The following MAPK4 variants were observed in gnomAD, a reference collection of about 807,000 sequenced individuals.
MAPK4 encodes the protein mitogen-activated protein kinase 4, also known as Erk3-related.
Under a neutral mutation model 47.7 loss-of-function variants are expected in MAPK4, and 22 were observed. The ratio of observed to expected loss-of-function variants is 0.46; its 90% confidence interval spans 0.33 to 0.66. The LOEUF (loss-of-function observed/expected upper bound fraction) is 0.66. Among genes scored for constraint, MAPK4 ranks in the 30% least tolerant of loss-of-function variants. The pLI, the probability that MAPK4 is intolerant of heterozygous loss-of-function variation, is 0.02. For synonymous variants in MAPK4, 390 were observed against 365.7 expected, an observed-to-expected ratio of 1.07 and a Z score of -0.76; for missense variants, 736 against 831.7, an observed-to-expected ratio of 0.88 and a Z score of 1.42.
chr18:50,622,617 G>C (rs1329962320), intron 1 of MAPK4, among the ~76,000 whole-genome samples: 1 of 152,214 alleles, frequency 6.6e-6, no homozygotes, highest in Non-Finnish European at 1.5e-5. Flanking sequence ...TGCCCTCAGA[G>C]AGGCACTCAA....
intron 1 of MAPK4, among the ~76,000 whole-genome samples, chr18:50,620,807 A>G (rs897719845): frequency 6.6e-6 from 1 of 152,130 alleles, no homozygotes; most frequent in Non-Finnish European, 1.5e-5. Context: ...AACTTGCAGA[A>G]AGAAAAAAAA....
rs577959431 is a variant in MAPK4 at position 50,578,776 on chromosome 18, G to A, written c.-871+18533G>A. Among the ~76,000 whole-genome samples, 50 of 152,300 alleles carry A rather than the reference G, an allele frequency of 3.3e-4. 1 individual carries two copies. Among genetic ancestry groups the A allele is most frequent in the African/African-American group, 1.2e-3 (49 of 41,560 alleles). On this transcript the variant is annotated intron_variant, in intron 1 of 5. Transcript: ENST00000400384. ...AATGGACTGCTAAAAGGACACCACA[G>A]TACTGCTCCCATAATGCTCTGTAGA...
chr18:50,568,195 C>CA (rs760481992), intron 1 of MAPK4, among the ~76,000 whole-genome samples: 279 of 92,042 alleles, frequency 3.0e-3, no homozygotes, highest in Middle Eastern at 6.6e-3. Flanking sequence ...GACGCTGTCC[C>CA]AAAAAAAAAA....
At chr18:50,717,986 G>A (rs955176382) in intron 3 of MAPK4, among the ~76,000 whole-genome samples, 1 of 152,222 alleles carries the variant, frequency 6.6e-6, no homozygotes, top group Admixed American at 6.5e-5. Context: ...GAGGCAGGGG[G>A]AGAAAGTCAG....
rs755537170 is a variant in MAPK4 at position 50,725,944 on chromosome 18, C to T, written c.854-18C>T. 2.7e-5 allele frequency: 44 copies of T among 1,605,128 alleles called. No individual in the cohort carries two copies. Among genetic ancestry groups the T allele is most frequent in the South Asian group, 5.5e-5 (5 of 90,892 alleles). On this transcript the variant is annotated intron_variant, in intron 4 of 5. Coordinates refer to ENST00000400384, the MANE Select transcript of MAPK4 (RefSeq NM_002747.4). The stretch of plus-strand genomic sequence containing the variant: ...AAGGGCAACAAATGACCTTCATGTC[C>T]GGCTTTGCTCCCTGCAGCCATCGAC...
At chr18:50,623,539 C>T (rs984554444) in intron 1 of MAPK4, among the ~76,000 whole-genome samples, 1 of 152,164 alleles carries the variant, frequency 6.6e-6, no homozygotes, top group Non-Finnish European at 1.5e-5. Flanking sequence ...ATCTCGCATC[C>T]CTCTGAACCC....
intron 2 of MAPK4, among the ~76,000 whole-genome samples, chr18:50,688,024 C>T (rs1047518177): frequency 1.3e-5 from 2 of 152,144 alleles, no homozygotes; most frequent in Non-Finnish European, 2.9e-5. Flanking sequence ...GTCAGGGATT[C>T]TGCTGAAAGG....
intron 1 of MAPK4, among the ~76,000 whole-genome samples, chr18:50,561,841 AT>A (rs1350568036): frequency 2.0e-5 from 3 of 152,330 alleles, no homozygotes; most frequent in African/African-American, 7.2e-5. Flanking sequence ...GTTTCCTTGC[AT>A]TAGAAAAGTC....
chr18:50,696,847 C>T (rs1295365804), intron 2 of MAPK4, among the ~76,000 whole-genome samples: 1 of 152,162 alleles, frequency 6.6e-6, no homozygotes, highest in Non-Finnish European at 1.5e-5. Flanking sequence ...TACAGGGAGT[C>T]TTCCTGGTAT....
intron 1 of MAPK4, among the ~76,000 whole-genome samples, chr18:50,636,015 C>T (rs1350918802): frequency 1.3e-5 from 2 of 152,234 alleles, no homozygotes; most frequent in East Asian, 3.8e-4. Flanking sequence ...TTATTCTTTG[C>T]ACTCCAGCCT....
At chr18:50,572,322 A>G (rs1331336157) in intron 1 of MAPK4, among the ~76,000 whole-genome samples, 1 of 152,148 alleles carries the variant, frequency 6.6e-6, no homozygotes, top group Admixed American at 6.5e-5. Context: ...TGGCCTGAAT[A>G]ACTGTCCATT....
intron 1 of MAPK4, among the ~76,000 whole-genome samples, chr18:50,625,225 T>G (rs2042766498): frequency 6.6e-6 from 1 of 152,078 alleles, no homozygotes; most frequent in South Asian, 2.1e-4. Flanking sequence ...CCAAAGCTGG[T>G]CCTGGAAAAT....
Position 50,730,149 on chromosome 18 carries a change from G to A in MAPK4, c.*295G>A. On this transcript the variant is annotated 3_prime_UTR_variant, in exon 6 of 6. Transcript: ENST00000400384. The stretch of plus-strand genomic sequence containing the variant: ...AACGGCTTTAGACAGCAGTCTGCGG[G>A]CCCCACCTGGGTGGCAGGATGCCGA... The A allele has an allele frequency of 3.6e-6, 1 of 278,734 alleles. No homozygotes were observed. The highest frequency in any genetic ancestry group is 2.2e-5 in the African/African-American group (1 of 45,946). The allele number at this position is 278,734 out of a possible 1,614,324, so 17.3% of individuals were successfully genotyped here. A position where few individuals can be genotyped will look rare whatever the true frequency, so the allele number is the denominator to read the frequency against.
intron 1 of MAPK4, among the ~76,000 whole-genome samples, chr18:50,575,644 TTAAAC>T (rs1324405437): frequency 2.0e-5 from 3 of 151,946 alleles, no homozygotes; most frequent in Non-Finnish European, 2.9e-5. Flanking sequence ...TGGAACCTAA[TTAAAC>T]TAAAGAGCTC....
intron 2 of MAPK4, among the ~76,000 whole-genome samples, chr18:50,687,599 G>A (rs1262105477): frequency 6.6e-6 from 1 of 152,236 alleles, no homozygotes; most frequent in Non-Finnish European, 1.5e-5. Flanking sequence ...CACGCCTGCA[G>A]GAGGTACCTG....
At chr18:50,657,932 T>C (rs369679593) in intron 1 of MAPK4, among the ~76,000 whole-genome samples, 23 of 152,110 alleles carry the variant, frequency 1.5e-4, no homozygotes, top group African/African-American at 5.3e-4. Flanking sequence ...GAACGTTTCC[T>C]GGGTAGGTGG....
chr18:50,686,454 C>G (rs1908885050), intron 2 of MAPK4, among the ~76,000 whole-genome samples: 1 of 152,230 alleles, frequency 6.6e-6, no homozygotes, highest in Admixed American at 6.5e-5. Flanking sequence ...AAAACTTTGT[C>G]CACATGATAT....
rs532418237 is a variant in MAPK4, at chr18:50,720,704, C to A, written c.692-1234C>A. On this transcript the variant is annotated intron_variant, in intron 3 of 5. Coordinates refer to ENST00000400384, the MANE Select transcript of MAPK4 (RefSeq NM_002747.4). Reference sequence around the variant, plus strand: ...TGTCTGCAGCTTGATCACCCATTGACCTCATGGTCCCCTGGTGGGTGGTGT... The same window carrying A: ...TGTCTGCAGCTTGATCACCCATTGAACTCATGGTCCCCTGGTGGGTGGTGT... Among the ~76,000 whole-genome samples, 6 of 152,304 alleles carry A rather than the reference C, an allele frequency of 3.9e-5. No individual in the cohort carries two copies. In the South Asian group the frequency reaches 1.2e-3, roughly 32 times the overall value.
chr18:50,637,853 T>C (rs574612672), intron 1 of MAPK4, among the ~76,000 whole-genome samples: 348 of 152,334 alleles, frequency 2.3e-3, no homozygotes, highest in Middle Eastern at 3.4e-3. Flanking sequence ...CCTCCTTTCT[T>C]ATAAGGACGT....
Sources: allele counts gnomAD v4.1 joint callset (sites outside exome capture counted in the v4.1 genomes callset), GRCh38; gene constraint gnomAD v4.1.1; transcripts MANE v1.5; gene names NCBI Gene and HGNC (gene_info 2026-07-23, HGNC 2026-07-21).